The following SNTG1 variants were observed in gnomAD, a reference collection of about 807,000 sequenced individuals.
SNTG1 encodes gamma-1-syntrophin.
Under a neutral mutation model 74.7 loss-of-function variants are expected in SNTG1, and 39 were observed. That is an observed-to-expected ratio of 0.52 (90% CI 0.40 to 0.68). The LOEUF is 0.68. SNTG1 is among the 30% of genes least tolerant of loss of function. The pLI is 0.00. For synonymous variants in SNTG1, 254 were observed against 217.1 expected (o/e 1.17, Z -1.49); for missense variants, 685 against 609.5 (o/e 1.12, Z -1.30).
At chr8:49,913,956 A>G (rs1805798114) in intron 1 of SNTG1, among the ~76,000 whole-genome samples, 1 of 152,182 alleles carries the variant, frequency 6.6e-6, no homozygotes, top group Non-Finnish European at 1.5e-5. Flanking sequence ...GAAATCTCAC[A>G]AAGTGAAAGT....
Position 50,793,000 on chromosome 8 carries a change from A to C in SNTG1, c.*171A>C, listed in dbSNP as rs532721154. ...AACCTCAAAAACACTTCTATTCTGG[A>C]TGACATCTGTGAAATATACTACATG... On this transcript the variant is annotated 3_prime_UTR_variant, in exon 19 of 19. Transcript: ENST00000642720. 1.9e-5 allele frequency: 11 copies of C among 567,856 alleles called. No homozygotes were observed. In the East Asian group the frequency reaches 3.4e-4, roughly 17 times the overall value. 35.2% of individuals were successfully genotyped at this position (567,856 alleles called of 1,614,324 possible).
At chr8:50,749,604 A>G (rs562661786) in intron 17 of SNTG1, among the ~76,000 whole-genome samples, 1 of 152,136 alleles carries the variant, frequency 6.6e-6, no homozygotes, top group African/African-American at 2.4e-5. Context: ...GTTGGGACCA[A>G]TGCAGCTCGT....
chr8:50,582,846 C>A (rs1215259212), intron 12 of SNTG1, among the ~76,000 whole-genome samples: 1 of 151,976 alleles, frequency 6.6e-6, no homozygotes, highest in African/African-American at 2.4e-5. Flanking sequence ...GAACTAAAAT[C>A]ACATATTTTG....
At chr8:49,921,737 A>G (rs879915906) in intron 1 of SNTG1, among the ~76,000 whole-genome samples, 1 of 152,144 alleles carries the variant, frequency 6.6e-6, no homozygotes, top group African/African-American at 2.4e-5. Flanking sequence ...AAAGATACAC[A>G]TACTACCTGG....
chr8:50,346,795 A>C (rs999111561), intron 2 of SNTG1, among the ~76,000 whole-genome samples: 7 of 152,258 alleles, frequency 4.6e-5, no homozygotes, highest in Non-Finnish European at 7.3e-5. Context: ...CAGCTACAAC[A>C]TTCCCTTAAG....
chr8:50,150,033 A>T (rs1563662081), intron 1 of SNTG1, among the ~76,000 whole-genome samples: 2 of 151,954 alleles, frequency 1.3e-5, no homozygotes, highest in Non-Finnish European at 2.9e-5. Flanking sequence ...TGACCATGGA[A>T]TGTTCTTCCG....
At chr8:50,248,039 C>T (rs564559991) in intron 2 of SNTG1, among the ~76,000 whole-genome samples, 29 of 152,170 alleles carry the variant, frequency 1.9e-4, no homozygotes, top group African/African-American at 6.7e-4. Flanking sequence ...CATCTTCTTC[C>T]CTCCATTTGT....
In SNTG1 at chr8:50,160,909, A is replaced by G. The variant is rs191799564; in HGVS notation, c.-102-11652A>G. Among the ~76,000 whole-genome samples the G allele has an allele frequency of 1.7e-3, 262 of 152,296 alleles. 2 individuals are homozygous for G. Among genetic ancestry groups the G allele is most frequent in the African/African-American group, 5.9e-3 (246 of 41,570 alleles). On this transcript the variant is annotated intron_variant, in intron 1 of 18. Transcript: ENST00000642720. The stretch of plus-strand genomic sequence containing the variant: ...CTGGACACAAGCCTGGAAGAAGGAT[A>G]GGAGTCTGAGAAGTGTGGGGAAAGG...
intron 18 of SNTG1, among the ~76,000 whole-genome samples, chr8:50,767,007 G>A (rs1314670355): frequency 6.6e-6 from 1 of 151,846 alleles, no homozygotes; most frequent in African/African-American, 2.4e-5. Context: ...TGTGAAATAT[G>A]GGTCTGAAAA....
intron 10 of SNTG1, among the ~76,000 whole-genome samples, chr8:50,531,772 T>G (rs532953295): frequency 1.3e-5 from 2 of 152,230 alleles, no homozygotes; most frequent in South Asian, 4.1e-4. Flanking sequence ...TCACCTCTGC[T>G]CCTAAGACAG....
intron 12 of SNTG1, among the ~76,000 whole-genome samples, chr8:50,586,844 C>A (rs554861770): frequency 4.6e-4 from 69 of 150,182 alleles, no homozygotes; most frequent in African/African-American, 1.6e-3. Flanking sequence ...TGGAGAGCTT[C>A]GTTAAAAAAA....
intron 1 of SNTG1, among the ~76,000 whole-genome samples, chr8:49,976,059 A>G (rs533163380): frequency 1.3e-5 from 2 of 152,220 alleles, no homozygotes; most frequent in Admixed American, 6.5e-5. Flanking sequence ...AAGAAGACCT[A>G]CTGTCATTCT....
chr8:50,068,683 TTTTC>T (rs200599833), intron 1 of SNTG1, among the ~76,000 whole-genome samples: 33 of 152,272 alleles, frequency 2.2e-4, no homozygotes, highest in South Asian at 8.3e-4. Flanking sequence ...GTAGGATTCT[TTTTC>T]TTTCTTTCTT....
intron 1 of SNTG1, among the ~76,000 whole-genome samples, chr8:50,017,205 G>T (rs916653890): frequency 6.6e-6 from 1 of 151,838 alleles, no homozygotes; most frequent in African/African-American, 2.4e-5. Flanking sequence ...CTCATTTCTT[G>T]TTCTATCTCT....
intron 9 of SNTG1, among the ~76,000 whole-genome samples, chr8:50,522,278 T>C (rs947631261): frequency 5.3e-5 from 8 of 152,118 alleles, no homozygotes; most frequent in African/African-American, 1.9e-4. Flanking sequence ...CAGTGATTAT[T>C]GGAAAGGAAT....
chr8:50,688,887 G>A (rs2095364915), intron 15 of SNTG1, among the ~76,000 whole-genome samples: 1 of 151,992 alleles, frequency 6.6e-6, no homozygotes, highest in Admixed American at 6.6e-5. Context: ...TCCTACCCAT[G>A]AGCATGGAAT....
At chr8:50,028,751 T>C in intron 1 of SNTG1, among the ~76,000 whole-genome samples, 1 of 152,168 alleles carries the variant, frequency 6.6e-6, no homozygotes, top group Non-Finnish European at 1.5e-5. Context: ...AAAAAAGAGA[T>C]ATAGTTTTTC....
At chr8:50,197,473 C>G (rs2083818871) in intron 2 of SNTG1, among the ~76,000 whole-genome samples, 1 of 152,086 alleles carries the variant, frequency 6.6e-6, no homozygotes, top group Non-Finnish European at 1.5e-5. Flanking sequence ...TTTAGTTTCT[C>G]AGTATTGTTC....
chr8:50,221,665 TA>T (rs908710828), intron 2 of SNTG1, among the ~76,000 whole-genome samples: 11 of 152,270 alleles, frequency 7.2e-5, no homozygotes, highest in Middle Eastern at 6.8e-3. Context: ...GTGACCCATT[TA>T]AAAAATATAT....
Sources: gnomAD v4.1 joint callset for allele counts (sites outside exome capture counted in the v4.1 genomes callset) on GRCh38, gnomAD v4.1.1 for gene constraint, MANE v1.5 for transcripts, NCBI Gene and HGNC (gene_info 2026-07-23, HGNC 2026-07-21) for gene names.